XKR7: variants seen among roughly 807,000 people sequenced by gnomAD.
XKR7 encodes XK-related protein 7.
Under a neutral mutation model 42.2 loss-of-function variants are expected in XKR7, and 11 were observed. The ratio of observed to expected loss-of-function variants is 0.26; its 90% CI spans 0.16 to 0.43. The LOEUF (loss-of-function observed/expected upper bound fraction) is 0.43. Among genes scored for constraint, XKR7 ranks in the 20% least tolerant of loss-of-function variants. XKR7 has a pLI of 1.00. For missense variants in XKR7, 710 were observed against 802.2 expected, an observed-to-expected ratio of 0.89 and a Z score of 1.39; for synonymous variants, 346 against 366.4, an observed-to-expected ratio of 0.94 and a Z score of 0.64.
rs562496270 is a variant in XKR7, at chr20:31,994,441, G to A, written c.585-627G>A. Reference sequence around the variant, plus strand: ...ACAAAATGGGAATTGGGCCGTGTGCGGTGGCTCATGCTTGTATTCCTAGCA... The same window carrying A: ...ACAAAATGGGAATTGGGCCGTGTGCAGTGGCTCATGCTTGTATTCCTAGCA... On this transcript the variant is annotated intron_variant, in intron 1 of 2. Transcript: ENST00000562532. Among the ~76,000 whole-genome samples, 4 of 152,208 alleles carry A rather than the reference G, an allele frequency of 2.6e-5. No individual in the cohort carries two copies. The East Asian group carries it at 7.7e-4, about 29-fold the overall frequency.
intron 1 of XKR7, among the ~76,000 whole-genome samples, chr20:31,976,487 C>T (rs550961314): frequency 6.6e-6 from 1 of 151,938 alleles, no homozygotes; most frequent in Non-Finnish European, 1.5e-5. Context: ...CCGGTTCAAG[C>T]GATTCTCCTG....
chr20:31,981,240 G>A (rs2064511268), intron 1 of XKR7, among the ~76,000 whole-genome samples: 1 of 151,706 alleles, frequency 6.6e-6, no homozygotes, highest in South Asian at 2.1e-4. Context: ...GGGTGCAGTT[G>A]CCCACGCCTG....
rs2064626398 is a variant in XKR7 at position 32,001,822 on chromosome 20, G to A, written c.*4365G>A. 6.6e-6 allele frequency: 1 copy of A among 152,354 alleles called. No homozygotes were observed. Among genetic ancestry groups the A allele is most frequent in the African/African-American group, 2.4e-5 (1 of 41,470 alleles). 9.4% of individuals were successfully genotyped at this position (152,354 alleles called of 1,614,324 possible). A position where few individuals can be genotyped will look rare whatever the true frequency, so the allele number is the denominator to read the frequency against. On this transcript the variant is annotated 3_prime_UTR_variant, in exon 3 of 3. Coordinates refer to ENST00000562532, the MANE Select transcript of XKR7 (RefSeq NM_001011718.2). ...ACCTTTGGCACCTGTCTCCCTCCCA[G>A]TTCAAGCTGTGGTGGGGCCTGCAGT...
rs2064445875 is a variant in XKR7 at position 31,968,397 on chromosome 20, C to G, written c.222C>G (p.Asp74Glu). 1 of 1,613,606 alleles carries G rather than the reference C, an allele frequency of 6.2e-7. No individual in the cohort carries two copies. The highest frequency in any genetic ancestry group is 2.2e-5 in the East Asian group (1 of 44,860). The change falls in exon 1 of 3, where the codon GAC becomes GAG. Residue 74 changes from aspartate to glutamate, a missense_variant. Transcript: ENST00000562532. The surrounding 1 kb of genome is among the most constrained non-coding windows in gnomAD (Gnocchi z 4.5). ...TGTTCTTCTCCGACGGTGCCACGGA[C>G]CTGTGGCTGGCGGCCTCCTACTACC... ...LLVFFSDGATDLWLAASYYLQ... is the reference protein window; with the variant it reads ...LLVFFSDGATELWLAASYYLQ...
chr20:31,973,951 T>C (rs1057377536), intron 1 of XKR7, among the ~76,000 whole-genome samples: 4 of 151,992 alleles, frequency 2.6e-5, no homozygotes, highest in Non-Finnish European at 5.9e-5. Flanking sequence ...TCCCAGCACT[T>C]TGGGAGGCCG....
At position 32,003,300 on chromosome 20, in the gene XKR7, T is replaced by C. The variant is rs1055666568; in HGVS notation, c.*5843T>C. 3.3e-5 allele frequency: 5 copies of C among 152,238 alleles called. No individual in the cohort carries two copies. Among genetic ancestry groups the C allele is most frequent in the African/African-American group, 9.6e-5 (4 of 41,454 alleles). The allele number at this position is 152,238 out of a possible 1,614,324, so 9.4% of individuals were successfully genotyped here. On this transcript the variant is annotated 3_prime_UTR_variant, in exon 3 of 3. Transcript: ENST00000562532. The stretch of plus-strand genomic sequence containing the variant: ...AGGGGGCCCCGAGCTGGGGCCTCTT[T>C]ACTGAGACTCTTTTGTACACCACAA...
rs978525310 is a variant in XKR7 at position 32,002,894 on chromosome 20, A to C, written c.*5437A>C. 6.6e-6 allele frequency: 1 copy of C among 152,290 alleles called. No individual in the cohort carries two copies. Among genetic ancestry groups the C allele is most frequent in the East Asian group, 1.9e-4 (1 of 5,180 alleles). The allele number at this position is 152,290 out of a possible 1,614,324, so 9.4% of individuals were successfully genotyped here. On this transcript the variant is annotated 3_prime_UTR_variant, in exon 3 of 3. Coordinates refer to ENST00000562532, the MANE Select transcript of XKR7 (RefSeq NM_001011718.2). Reference sequence around the variant, plus strand: ...GGAATCAATGGTTTAGACATCCAGCATCCTATTTTACTGAAGGGGCAAGCC... The same window carrying C: ...GGAATCAATGGTTTAGACATCCAGCCTCCTATTTTACTGAAGGGGCAAGCC...
Position 31,997,670 on chromosome 20 carries a change from T to G in XKR7, c.*213T>G. The G allele has an allele frequency of 1.8e-6, 1 of 557,718 alleles. No homozygotes were observed. The highest frequency in any genetic ancestry group is 3.1e-6 in the Non-Finnish European group (1 of 317,520). 34.5% of individuals were successfully genotyped at this position (557,718 alleles called of 1,614,324 possible). On this transcript the variant is annotated 3_prime_UTR_variant, in exon 3 of 3. Transcript: ENST00000562532. The stretch of plus-strand genomic sequence containing the variant: ...GTTTTCAGCCTTGTGGCCCATTCCC[T>G]AAATTCCCCTGACCCAGGGCCTGGG...
At chr20:31,978,711 A>G (rs1568882079) in intron 1 of XKR7, among the ~76,000 whole-genome samples, 1 of 152,238 alleles carries the variant, frequency 6.6e-6, no homozygotes, top group African/African-American at 2.4e-5. Context: ...CAAAATCTAA[A>G]TAATCATACA....
intron 1 of XKR7, among the ~76,000 whole-genome samples, chr20:31,981,222 A>G (rs979168198): frequency 6.6e-6 from 1 of 151,860 alleles, no homozygotes; most frequent in Admixed American, 6.6e-5. Flanking sequence ...AAAATACAAA[A>G]ATCAGCTGGG....
chr20:31,976,899 G>T (rs1288766555), intron 1 of XKR7, among the ~76,000 whole-genome samples: 1 of 152,104 alleles, frequency 6.6e-6, no homozygotes, highest in Non-Finnish European at 1.5e-5. Flanking sequence ...TTTTCTTTCT[G>T]TCTCCCATGG....
At position 31,995,403 on chromosome 20, in the gene XKR7, G is replaced by GC; in HGVS notation, c.787+135dup. The GC allele has an allele frequency of 7.0e-7, 1 of 1,435,642 alleles. No individual in the cohort carries two copies. Among genetic ancestry groups the GC allele is most frequent in the Non-Finnish European group, 9.2e-7 (1 of 1,082,462 alleles). 88.9% of individuals were successfully genotyped at this position (1,435,642 alleles called of 1,614,324 possible). On this transcript the variant is annotated intron_variant, in intron 2 of 2. Coordinates refer to ENST00000562532, the MANE Select transcript of XKR7 (RefSeq NM_001011718.2). The surrounding 1 kb of genome is among the most constrained non-coding windows in gnomAD (Gnocchi z 4.1). ...GCTCACTCAGTCAGGGTTTAGGGAG[G>GC]CCTGCCCCTTCTACCCTCACCACCC...
chr20:31,988,061 G>A (rs2064551163), intron 1 of XKR7, among the ~76,000 whole-genome samples: 1 of 152,210 alleles, frequency 6.6e-6, no homozygotes, highest in Non-Finnish European at 1.5e-5. Context: ...AATGACTCAG[G>A]ATCTGAGGTC....
In XKR7 at chr20:31,999,846, G is replaced by A. The variant is rs1568896474; in HGVS notation, c.*2389G>A. The A allele has an allele frequency of 6.6e-6, 1 of 152,348 alleles. No individual in the cohort carries two copies. Among genetic ancestry groups the A allele is most frequent in the East Asian group, 1.9e-4 (1 of 5,182 alleles). The allele number at this position is 152,348 out of a possible 1,614,324, so 9.4% of individuals were successfully genotyped here. On this transcript the variant is annotated 3_prime_UTR_variant, in exon 3 of 3. Transcript: ENST00000562532. ...ATTCTCCTCCCCAGTATCCCAGAATGGCCCATCTGGCTGCTGCCTTCTAGA... is the reference window on the plus strand; with the variant it reads ...ATTCTCCTCCCCAGTATCCCAGAATAGCCCATCTGGCTGCTGCCTTCTAGA...
At chr20:31,977,213 C>T (rs186657065) in intron 1 of XKR7, among the ~76,000 whole-genome samples, 106 of 152,306 alleles carry the variant, frequency 7.0e-4, no homozygotes, top group South Asian at 1.9e-3. Context: ...AAGTCAAGTT[C>T]CTTGTATGCA....
chr20:31,968,324 C>G lies in XKR7; in HGVS notation c.149C>G (p.Pro50Arg), dbSNP rs2064445002. The G allele has an allele frequency of 1.3e-6, 2 of 1,483,898 alleles. No individual in the cohort carries two copies. Among genetic ancestry groups the G allele is most frequent in the Admixed American group, 2.1e-5 (1 of 47,036 alleles). 91.9% of individuals were successfully genotyped at this position (1,483,898 alleles called of 1,614,324 possible). Residue 50 changes from proline to arginine, a missense_variant, in exon 1 of 3, where the codon CCG becomes CGG. Physicochemically the swap from Pro to Arg is moderately radical, Grantham distance 103. Around this residue, in one of 2 missense-constraint regions of XKR7, gnomAD observed 708 missense variants for 786.2 expected, o/e 0.90. Transcript: ENST00000562532. This position sits in a 1 kb window ranked among gnomAD's most constrained non-coding sequence, Gnocchi z 4.5. The stretch of plus-strand genomic sequence containing the variant: ...GTCGTCGGGGCGGGCGGCCCGGGGC[C>G]GCGCTACGAGCTGCGGGACTGCTGC... ...PGVVGAGGPG[P>R]RYELRDCCWV...
rs148371173 is a variant in XKR7, at chr20:31,978,790, G to A, written c.584+10031G>A. On this transcript the variant is annotated intron_variant, in intron 1 of 2. Coordinates refer to ENST00000562532, the MANE Select transcript of XKR7 (RefSeq NM_001011718.2). Reference sequence around the variant, plus strand: ...GCCCCACCCCATTTCCTTCCCTTCCGTGTTATTTTCAAGCAAATTTCAAAC... The same window carrying A: ...GCCCCACCCCATTTCCTTCCCTTCCATGTTATTTTCAAGCAAATTTCAAAC... Among the ~76,000 whole-genome samples, 10 of 152,228 alleles carry A rather than the reference G, an allele frequency of 6.6e-5. 1 individual carries two copies. The East Asian group carries it at 7.7e-4, about 12-fold the overall frequency.
chr20:31,987,693 A>G (rs2064549300), intron 1 of XKR7, among the ~76,000 whole-genome samples: 1 of 152,230 alleles, frequency 6.6e-6, no homozygotes, highest in Non-Finnish European at 1.5e-5. Context: ...CAGATCACCA[A>G]GTGGACCCAG....
intron 1 of XKR7, chr20:31,970,363 C>T (rs1247419862): frequency 2.0e-5 from 3 of 152,212 alleles, no homozygotes; most frequent in African/African-American, 4.8e-5. Context: ...TAATACTTCT[C>T]TTCTTTGTTA....
Sources: gnomAD v4.1 joint callset for allele counts (sites outside exome capture counted in the v4.1 genomes callset) on GRCh38, gnomAD v4.1.1 for gene constraint, gnomAD v4.1.1 regional missense constraint, Gnocchi (gnomAD v3.1) non-coding constraint, MANE v1.5 for transcripts, NCBI Gene and HGNC (gene_info 2026-07-23, HGNC 2026-07-21) for gene names.